Variants in GNA13 observed in about 807,000 individuals in gnomAD.
The protein encoded by GNA13 is G protein subunit alpha 13.
A neutral mutation model predicts 33.5 loss-of-function variants in GNA13; 4 were observed. The ratio of observed to expected loss-of-function variants is 0.12; its 90% CI spans 0.06 to 0.27. The LOEUF is 0.27. GNA13 is among the 10% of genes least tolerant of loss of function. GNA13 has a pLI of 1.00. For synonymous variants in GNA13, 176 were observed against 183.8 expected (o/e 0.96, Z 0.34); for missense variants, 319 against 487.2 (o/e 0.65, Z 3.25).
At chr17:65,026,165 C>T (rs1232508361) in intron 2 of GNA13, among the ~76,000 whole-genome samples, 1 of 151,224 alleles carries the variant, frequency 6.6e-6, no homozygotes, top group Non-Finnish European at 1.5e-5. Context: ...ATATTTTATA[C>T]TCCCAAAATA....
rs1415382185 is a variant in GNA13 at position 65,012,132 on chromosome 17, T to C, written c.*2125A>G. The C allele has an allele frequency of 4.4e-6, 1 of 224,984 alleles. No homozygotes were observed. Among genetic ancestry groups the C allele is most frequent in the African/African-American group, 2.2e-5 (1 of 44,866 alleles). The allele number at this position is 224,984 out of a possible 1,614,324, so 13.9% of individuals were successfully genotyped here. On this transcript the variant is annotated 3_prime_UTR_variant, in exon 4 of 4. Coordinates refer to ENST00000439174, the MANE Select transcript of GNA13 (RefSeq NM_006572.6). Reference sequence around the variant, plus strand: ...TATTTGGTGTTTCAACACTTCTTGGTGGTAATTCAAAAGGGGGAAACTTGG... The same window carrying C: ...TATTTGGTGTTTCAACACTTCTTGGCGGTAATTCAAAAGGGGGAAACTTGG...
chr17:65,049,529 A>G (rs751571737), intron 2 of GNA13, among the ~76,000 whole-genome samples: 3 of 152,234 alleles, frequency 2.0e-5, no homozygotes, highest in South Asian at 2.1e-4. Flanking sequence ...TACATGACTG[A>G]CAGCCACACA....
At position 65,013,391 on chromosome 17, in the gene GNA13, C is replaced by G. The variant is rs1364751846; in HGVS notation, c.*866G>C. The G allele has an allele frequency of 4.8e-6, 1 of 209,878 alleles. No individual in the cohort carries two copies. 13.0% of individuals were successfully genotyped at this position (209,878 alleles called of 1,614,324 possible). On this transcript the variant is annotated 3_prime_UTR_variant, in exon 4 of 4. Transcript: ENST00000439174. ...TAGGGCTTAAAAGTCAAATACATGA[C>G]ATTCTGGAACAGGTTAAGTTTATTT... is the stretch of plus-strand genomic sequence containing the variant.
chr17:65,018,027 A>G (rs1337890967), intron 3 of GNA13, among the ~76,000 whole-genome samples: 3 of 149,954 alleles, frequency 2.0e-5, no homozygotes, highest in Non-Finnish European at 4.4e-5. Context: ...AAAAATAAAA[A>G]TCATTCAATA....
At chr17:65,045,375 C>T (rs963188968) in intron 2 of GNA13, among the ~76,000 whole-genome samples, 2 of 151,934 alleles carry the variant, frequency 1.3e-5, no homozygotes, top group Non-Finnish European at 2.9e-5. Flanking sequence ...CAAAAATTAG[C>T]TGGGTATGGC....
At chr17:65,031,890 GAGAGAA>G (rs1423721009) in intron 2 of GNA13, among the ~76,000 whole-genome samples, 41 of 86,206 alleles carry the variant, frequency 4.8e-4, no homozygotes, top group African/African-American at 1.4e-3. Flanking sequence ...GAGAGAGAGA[GAGAGAA>G]AGAGAGAGAG....
chr17:65,011,742 C>T lies in GNA13; in HGVS notation c.*2515G>A, dbSNP rs895103547. The T allele has an allele frequency of 1.3e-5, 3 of 227,730 alleles. No individual in the cohort carries two copies. The highest frequency in any genetic ancestry group is 6.7e-5 in the African/African-American group (3 of 45,042). 14.1% of individuals were successfully genotyped at this position (227,730 alleles called of 1,614,324 possible). A position where few individuals can be genotyped will look rare whatever the true frequency, so the allele number is the denominator to read the frequency against. Reference sequence around the variant, plus strand: ...TTAGAAAATCAAATACATCAAAGAACTTTAAATCTAAATTACTTTTTTAGA... The same window carrying T: ...TTAGAAAATCAAATACATCAAAGAATTTTAAATCTAAATTACTTTTTTAGA... On this transcript the variant is annotated 3_prime_UTR_variant, in exon 4 of 4. Transcript: ENST00000439174.
At chr17:65,043,819 A>G (rs1305875690) in intron 2 of GNA13, among the ~76,000 whole-genome samples, 2 of 152,210 alleles carry the variant, frequency 1.3e-5, no homozygotes, top group Non-Finnish European at 2.9e-5. Context: ...TACCCACCGC[A>G]TGGATTTAAA....
intron 2 of GNA13, among the ~76,000 whole-genome samples, chr17:65,027,451 G>C (rs1292665761): frequency 1.3e-5 from 2 of 151,778 alleles, no homozygotes; most frequent in African/African-American, 4.8e-5. Flanking sequence ...CAGCCACTGG[G>C]GGCCCTTTAA....
chr17:65,049,399 G>T (rs1907781186), intron 2 of GNA13, among the ~76,000 whole-genome samples: 2 of 152,162 alleles, frequency 1.3e-5, no homozygotes, highest in Non-Finnish European at 2.9e-5. Flanking sequence ...GGGATTACAG[G>T]TATTTTATTT....
Position 65,053,573 on chromosome 17 carries a change from G to A in GNA13, c.439C>T (p.Pro147Ser), listed in dbSNP as rs935610270. ...TCTGCCCATAATGCTCTTATAGCAG[G>A]AAGATATTGTAAGAAAACCCTTGTT... ...VETRVFLQYLPAIRALWADSG... is the reference protein window; with the variant it reads ...VETRVFLQYLSAIRALWADSG... Residue 147 changes from proline (P) to serine (S), a missense_variant, in exon 2 of 4, where the codon CCT becomes TCT. This residue lies in a region of GNA13 where 136 missense variants were observed against 159.3 expected (regional missense o/e 0.85). Transcript: ENST00000439174. The A allele has an allele frequency of 1.9e-6, 3 of 1,613,772 alleles. No homozygotes were observed. Among genetic ancestry groups the A allele is most frequent in the Non-Finnish European group, 8.5e-7 (1 of 1,179,764 alleles).
rs1906109166 is a variant in GNA13 at position 65,009,690 on chromosome 17, C to T, written c.*4567G>A. On this transcript the variant is annotated 3_prime_UTR_variant, in exon 4 of 4. Transcript: ENST00000439174. The stretch of plus-strand genomic sequence containing the variant: ...CTTCTTGTGGTAAATGAGCTCTCAC[C>T]AGAGTAGAGTAGTTTAGAAAAGCCA... 6.6e-6 allele frequency among the ~76,000 whole-genome samples: 1 copy of T among 152,054 alleles called. No homozygotes were observed. The highest frequency in any genetic ancestry group is 2.4e-5 in the African/African-American group (1 of 41,406).
intron 1 of GNA13, chr17:65,055,767 C>T: frequency 2.0e-6 from 2 of 985,394 alleles, no homozygotes; most frequent in Non-Finnish European, 2.4e-6. Flanking sequence ...GCAAAAAGTT[C>T]CCTTATTGCG....
chr17:65,018,083 C>T (rs575014333), intron 3 of GNA13, among the ~76,000 whole-genome samples, 170 bp downstream of exon 3: 4 of 40,906 alleles, frequency 9.8e-5, no homozygotes, highest in South Asian at 7.7e-4. Context: ...AGAATCAGAA[C>T]GCCACCACTA....
chr17:65,023,581 T>C (rs981569436), intron 2 of GNA13, among the ~76,000 whole-genome samples: 1 of 152,242 alleles, frequency 6.6e-6, no homozygotes, highest in Non-Finnish European at 1.5e-5. Flanking sequence ...AACGGCACTG[T>C]TGGTGAAACT....
intron 2 of GNA13, among the ~76,000 whole-genome samples, chr17:65,048,316 T>C (rs1215379033): frequency 6.6e-6 from 1 of 151,506 alleles, no homozygotes; most frequent in Non-Finnish European, 1.5e-5. Flanking sequence ...AGCCAACCCC[T>C]GACTCCCATC....
chr17:65,036,835 T>C (rs1044561696), intron 2 of GNA13, among the ~76,000 whole-genome samples: 8 of 152,232 alleles, frequency 5.3e-5, no homozygotes, highest in African/African-American at 1.9e-4. Flanking sequence ...AGGTCATTTC[T>C]AGGTTAATAA....
At chr17:65,018,123 A>G (rs1598479866) in intron 3 of GNA13, 130 bp downstream of exon 3, 13 of 216,930 alleles carry the variant, frequency 6.0e-5, no homozygotes, top group African/African-American at 2.8e-4. Flanking sequence ...AAAAAAAAAA[A>G]AAAAAAAAAA....
chr17:65,035,788 T>C (rs1368082421), intron 2 of GNA13, among the ~76,000 whole-genome samples: 1 of 152,110 alleles, frequency 6.6e-6, no homozygotes, highest in Non-Finnish European at 1.5e-5. Flanking sequence ...TTAATTTTTT[T>C]TTTTTTTGGA....
Sources: allele counts gnomAD v4.1 joint callset (sites outside exome capture counted in the v4.1 genomes callset), GRCh38; gene constraint gnomAD v4.1.1; regional missense constraint gnomAD v4.1.1; transcripts MANE v1.5; gene names NCBI Gene and HGNC (gene_info 2026-07-23, HGNC 2026-07-21).